The following DMD variants were observed in gnomAD, a reference collection of about 807,000 sequenced individuals.
The protein encoded by DMD is mutant dystrophin.
In DMD, 63 loss-of-function variants were observed where a neutral mutation model predicts 330.1. The observed-to-expected ratio is 0.19, with a 90% CI of 0.16 to 0.24. The LOEUF (loss-of-function observed/expected upper bound fraction) is 0.24, where lower values mean the gene tolerates loss of function less well. Ranked by LOEUF, DMD falls within the 10% of genes least tolerant of loss-of-function variation. The pLI is 1.00. For missense variants in DMD, 3,344 were observed against 2,684.1 expected (o/e 1.25, Z -5.43); for synonymous variants, 1,223 against 959.8 (o/e 1.27, Z -5.07).
chrX:32,806,335 A>C (rs1157236580), intron 7 of DMD, among the ~76,000 whole-genome samples: 3 of 111,121 alleles, frequency 2.7e-5, no homozygotes, highest in African/African-American at 1.0e-4. Context: ...ATTTAAAAAA[A>C]ACAAAAAAAG....
chrX:33,009,998 G>A (rs757219776), intron 2 of DMD, among the ~76,000 whole-genome samples: 296 of 27,185 alleles, frequency 0.011, 64 homozygotes, highest in African/African-American at 0.045. Context: ...GTATATACAC[G>A]TATGTATGTG....
intron 50 of DMD, among the ~76,000 whole-genome samples, chrX:31,805,309 C>A (rs931314063): frequency 9.8e-5 from 11 of 111,885 alleles, no homozygotes; most frequent in African/African-American, 3.2e-4. Flanking sequence ...ATCTATGACG[C>A]TGCTTTGGGA....
chrX:31,619,827 G>A lies in DMD; in HGVS notation c.8217+7846C>T, dbSNP rs757673435. ...ACAATTAACATGTTTACGTATGAATGAGACATGGTTCATGTTACCATGGTA... is the reference window on the plus strand; with the variant it reads ...ACAATTAACATGTTTACGTATGAATAAGACATGGTTCATGTTACCATGGTA... On this transcript the variant is annotated intron_variant, in intron 55 of 78. Coordinates refer to ENST00000357033, the MANE Select transcript of DMD (RefSeq NM_004006.3). 3.6e-5 allele frequency among the ~76,000 whole-genome samples: 4 copies of A among 112,010 alleles called. 1 individual carries two copies. The Admixed American group carries it at 3.8e-4, about 11-fold the overall frequency.
intron 17 of DMD, 109 bp from the exon 18 acceptor site, chrX:32,518,240 GC>G: frequency 2.6e-6 from 2 of 763,340 alleles, no homozygotes; most frequent in Admixed American, 5.5e-5. Flanking sequence ...TGAGACTCCT[GC>G]CTGACACCTC....
At chrX:32,173,066 GGTGTGTGTGTGTGTGTGTGTGTGT>G (rs3040089) in intron 44 of DMD, among the ~76,000 whole-genome samples, 1 of 89,624 alleles carries the variant, frequency 1.1e-5, no homozygotes, top group Admixed American at 1.3e-4. Context: ...ACCTGATTTT[GGTGTGTGTGTGTGTGTGTGTGTGT>G]GTGTGTGTGT....
chrX:31,850,786 G>A (rs1302047977), intron 48 of DMD, among the ~76,000 whole-genome samples: 1 of 112,275 alleles, frequency 8.9e-6, no homozygotes, highest in Admixed American at 9.4e-5. Flanking sequence ...CTGGAATTTT[G>A]TCATTGTTTG....
At chrX:33,044,544 T>G (rs1212961379) in intron 1 of DMD, among the ~76,000 whole-genome samples, 1 of 112,220 alleles carries the variant, frequency 8.9e-6, no homozygotes, top group Non-Finnish European at 1.9e-5. Flanking sequence ...GGAAATAATT[T>G]ATGTGCTGGT....
chrX:32,249,031 G>A (rs1055752629), intron 43 of DMD, among the ~76,000 whole-genome samples: 1 of 110,340 alleles, frequency 9.1e-6, no homozygotes, highest in African/African-American at 3.3e-5. Context: ...ATATATATTC[G>A]TGAAGTGAAA....
intron 61 of DMD, among the ~76,000 whole-genome samples, chrX:31,345,312 G>A (rs1426777502): frequency 9.0e-6 from 1 of 111,115 alleles, no homozygotes; most frequent in Non-Finnish European, 1.9e-5. Flanking sequence ...TGCTCCCCTT[G>A]GCCCCTCAAA....
At chrX:32,809,261 G>T (rs745985847) in intron 7 of DMD, among the ~76,000 whole-genome samples, 1 of 111,772 alleles carries the variant, frequency 8.9e-6, no homozygotes, top group Admixed American at 9.5e-5. Flanking sequence ...CATTTTAAAG[G>T]CTTTTTTCCT....
chrX:31,217,174 A>G (rs2045499102), intron 64 of DMD, among the ~76,000 whole-genome samples: 3 of 112,115 alleles, frequency 2.7e-5, no homozygotes, highest in Non-Finnish European at 5.6e-5. Context: ...ATAACTTTCA[A>G]TGGAGTATCA....
intron 50 of DMD, among the ~76,000 whole-genome samples, chrX:31,806,959 T>C (rs1399662482): frequency 8.9e-6 from 1 of 111,737 alleles, no homozygotes; most frequent in African/African-American, 3.3e-5. Context: ...TAAGAAGAAA[T>C]CCGGTATGTG....
At chrX:32,032,200 T>C (rs1370356877) in intron 44 of DMD, among the ~76,000 whole-genome samples, 1 of 111,797 alleles carries the variant, frequency 8.9e-6, no homozygotes, top group East Asian at 2.8e-4. Context: ...CAATACTTCA[T>C]AAGTGATATG....
intron 43 of DMD, among the ~76,000 whole-genome samples, chrX:32,276,699 C>T (rs1346089006): frequency 9.0e-6 from 1 of 110,860 alleles, no homozygotes; most frequent in African/African-American, 3.3e-5. Context: ...GTAGGTGGAT[C>T]ACTTGAGGTC....
intron 61 of DMD, among the ~76,000 whole-genome samples, chrX:31,328,680 T>C (rs2056929203): frequency 8.9e-6 from 1 of 111,865 alleles, no homozygotes; most frequent in African/African-American, 3.3e-5. Context: ...TTTCCTTATA[T>C]TCCAATGGGA....
At chrX:32,724,314 C>T (rs1263012468) in intron 7 of DMD, among the ~76,000 whole-genome samples, 1 of 111,451 alleles carries the variant, frequency 9.0e-6, no homozygotes, top group Non-Finnish European at 1.9e-5. Flanking sequence ...TGTTATGGCT[C>T]AAATTCTTCA....
intron 17 of DMD, among the ~76,000 whole-genome samples, 163 bp downstream of exon 17, chrX:32,544,996 A>T (rs2048836254): frequency 8.9e-6 from 1 of 111,974 alleles, no homozygotes; most frequent in South Asian, 3.7e-4. Flanking sequence ...ATTTCTTGTG[A>T]AAGTTTTAAA....
intron 29 of DMD, among the ~76,000 whole-genome samples, chrX:32,422,926 TGAATATGTACCCTCA>T (rs1456006384): frequency 1.8e-5 from 2 of 111,452 alleles, no homozygotes; most frequent in Admixed American, 9.6e-5. Flanking sequence ...AAGAGAGAGA[TGAATATGTACCCTCA>T]GAACAGTATT....
rs73623941 is a variant in DMD at position 33,300,680 on chromosome X, G to T, written c.7+38579C>A. On this transcript the variant is annotated intron_variant, in intron 1 of 17. Transcript: ENST00000288447. ...AAGAGGCCTTGGAAGCTCAGTGAGC[G>T]TGCCTGCACCTTGACCTTGAACTTC... 3.6e-5 allele frequency among the ~76,000 whole-genome samples: 4 copies of T among 111,577 alleles called. 1 individual carries two copies. Among genetic ancestry groups the T allele is most frequent in the Non-Finnish European group, 7.5e-5 (4 of 53,026 alleles).
Sources: allele counts gnomAD v4.1 joint callset (sites outside exome capture counted in the v4.1 genomes callset), GRCh38; gene constraint gnomAD v4.1.1; transcripts MANE v1.5; gene names NCBI Gene and HGNC (gene_info 2026-07-23, HGNC 2026-07-21).